Variants in SV2C observed in about 807,000 individuals in gnomAD.
SV2C encodes the protein synaptic vesicle glycoprotein 2C, also known as solute carrier family 22 member B3.
SV2C carries 49 observed loss-of-function variants against 79.7 expected under a neutral mutation model. The observed-to-expected ratio is 0.61, with a 90% CI of 0.49 to 0.78. SV2C has a LOEUF of 0.78. SV2C is among the 30% of genes least tolerant of loss of function. The pLI is 0.00. For synonymous variants in SV2C, 334 were observed against 333.2 expected, an observed-to-expected ratio of 1.00 and a Z score of -0.03; for missense variants, 833 against 912.9, an observed-to-expected ratio of 0.91 and a Z score of 1.13.
the SV2C span, among the ~76,000 whole-genome samples, chr5:75,993,516 G>A: frequency 3.9e-5 from 6 of 151,984 alleles, no homozygotes; most frequent in Admixed American, 1.3e-4. Flanking sequence ...TAACTCCCAC[G>A]AAACGGACAC....
chr5:76,042,021 C>G, the SV2C span, among the ~76,000 whole-genome samples: 1 of 152,172 alleles, frequency 6.6e-6, no homozygotes, highest in Non-Finnish European at 1.5e-5. Context: ...TTTGCCCAGG[C>G]TCCTCCATCC....
chr5:76,168,606 T>C lies in SV2C; in HGVS notation c.581-26313T>C, dbSNP rs545290959. ...GCCGCGCTGCATTTCTTATGCCGCG[T>C]TGCTCTCTCTCCGTTCATTTTGCTT... is the stretch of plus-strand genomic sequence containing the variant. On this transcript the variant is annotated intron_variant, in intron 2 of 12. Coordinates refer to ENST00000502798, the MANE Select transcript of SV2C (RefSeq NM_014979.4). Among the ~76,000 whole-genome samples the C allele has an allele frequency of 2.0e-5, 3 of 152,332 alleles. No homozygotes were observed. In the East Asian group the frequency reaches 5.8e-4, roughly 29 times the overall value.
the SV2C span, among the ~76,000 whole-genome samples, chr5:75,955,396 A>G: frequency 6.6e-6 from 1 of 151,728 alleles, no homozygotes; most frequent in African/African-American, 2.4e-5. Flanking sequence ...AAATCAATTC[A>G]AGATGGATTA....
At chr5:75,900,463 G>A in the SV2C span, among the ~76,000 whole-genome samples, 1 of 152,142 alleles carries the variant, frequency 6.6e-6, no homozygotes, top group South Asian at 2.1e-4. Flanking sequence ...CCCTTTGTGG[G>A]TAACCCGACC....
At chr5:75,971,125 C>T in the SV2C span, among the ~76,000 whole-genome samples, 450 of 152,100 alleles carry the variant, frequency 3.0e-3, 2 homozygotes, top group African/African-American at 0.01. Context: ...AATTCAACAA[C>T]GCTTCATGCT....
At chr5:76,218,428 A>C (rs1744966454) in intron 4 of SV2C, among the ~76,000 whole-genome samples, 1 of 152,222 alleles carries the variant, frequency 6.6e-6, no homozygotes, top group African/African-American at 2.4e-5. Flanking sequence ...TGCAGCCATA[A>C]AAAATAATGA....
At chr5:75,973,196 G>T in the SV2C span, among the ~76,000 whole-genome samples, 1 of 151,794 alleles carries the variant, frequency 6.6e-6, no homozygotes, top group African/African-American at 2.4e-5. Context: ...AAGGGGGGAG[G>T]GATAGCATTA....
the SV2C span, among the ~76,000 whole-genome samples, chr5:75,886,520 T>A: frequency 2.0e-5 from 3 of 152,182 alleles, no homozygotes; most frequent in Non-Finnish European, 2.9e-5. Context: ...GTTTTTCTCA[T>A]TTTCAGCCTT....
intron 1 of SV2C, among the ~76,000 whole-genome samples, chr5:76,131,188 T>C (rs1423806945): frequency 6.6e-6 from 1 of 152,196 alleles, no homozygotes; most frequent in Non-Finnish European, 1.5e-5. Flanking sequence ...ATGGGGCTGC[T>C]TGCTTTTCAG....
At chr5:75,894,157 C>T in the SV2C span, among the ~76,000 whole-genome samples, 1 of 151,958 alleles carries the variant, frequency 6.6e-6, no homozygotes, top group East Asian at 1.9e-4. Flanking sequence ...GGCACTAGGA[C>T]CAATTAGATG....
rs962418925 is a variant in SV2C, at chr5:76,132,403, A to G, written c.580+73A>G. 6 of 1,415,968 alleles carry G rather than the reference A, an allele frequency of 4.2e-6. No homozygotes were observed. The East Asian group carries it at 9.3e-5, about 22-fold the overall frequency. The allele number at this position is 1,415,968 out of a possible 1,614,324, so 87.7% of individuals were successfully genotyped here. On this transcript the variant is annotated intron_variant, in intron 2 of 12. Coordinates refer to ENST00000502798, the MANE Select transcript of SV2C (RefSeq NM_014979.4). Reference sequence around the variant, plus strand: ...TTAAGCACAGTTATCAACATAGAGAATAAATACTTTTCATCTAGAGTACTG... The same window carrying G: ...TTAAGCACAGTTATCAACATAGAGAGTAAATACTTTTCATCTAGAGTACTG...
the SV2C span, among the ~76,000 whole-genome samples, chr5:75,996,182 C>A: frequency 2.0e-5 from 3 of 152,282 alleles, no homozygotes; most frequent in East Asian, 3.9e-4. Flanking sequence ...GGAAGGGATC[C>A]AGTTTCAGCT....
At chr5:75,851,889 T>C in the SV2C span, among the ~76,000 whole-genome samples, 1 of 152,208 alleles carries the variant, frequency 6.6e-6, no homozygotes, top group Non-Finnish European at 1.5e-5. Context: ...GGTCTCGATC[T>C]CCTGACTTCA....
intron 4 of SV2C, among the ~76,000 whole-genome samples, chr5:76,245,911 A>AGT (rs58481475): frequency 0.043 from 6,280 of 145,292 alleles, 351 homozygotes; most frequent in African/African-American, 0.14. Flanking sequence ...GAGGCAGGGG[A>AGT]GTGTGTGTGT....
the SV2C span, among the ~76,000 whole-genome samples, chr5:76,070,782 T>A: frequency 6.6e-6 from 1 of 152,222 alleles, no homozygotes; most frequent in Non-Finnish European, 1.5e-5. Context: ...ATCTGGAATA[T>A]CTTCTATCCA....
the SV2C span, among the ~76,000 whole-genome samples, chr5:75,964,837 G>A: frequency 6.6e-6 from 1 of 152,086 alleles, no homozygotes; most frequent in East Asian, 1.9e-4. Context: ...AGGATATTAA[G>A]AAACACATAT....
the SV2C span, among the ~76,000 whole-genome samples, chr5:76,017,640 G>A: frequency 2.6e-5 from 4 of 152,144 alleles, no homozygotes; most frequent in Non-Finnish European, 5.9e-5. Context: ...GTGTAGGTTA[G>A]CATTTCTTCT....
At chr5:76,310,064 A>G (rs751383537) in intron 12 of SV2C, among the ~76,000 whole-genome samples, 1 of 150,258 alleles carries the variant, frequency 6.7e-6, no homozygotes, top group Non-Finnish European at 1.5e-5. Context: ...AAAAAAAATG[A>G]TTATGGAATG....
the SV2C span, among the ~76,000 whole-genome samples, chr5:75,971,625 G>C: frequency 6.6e-6 from 1 of 152,100 alleles, no homozygotes; most frequent in African/African-American, 2.4e-5. Context: ...CAAGGGACAT[G>C]AATGACCTCT....
Sources: gnomAD v4.1 joint callset for allele counts (sites outside exome capture counted in the v4.1 genomes callset) on GRCh38, gnomAD v4.1.1 for gene constraint, MANE v1.5 for transcripts, NCBI Gene and HGNC (gene_info 2026-07-23, HGNC 2026-07-21) for gene names.